EXOSC8: variants seen among roughly 807,000 people sequenced by gnomAD.
EXOSC8 encodes the protein exosome component 8.
Under a neutral mutation model 39.9 loss-of-function variants are expected in EXOSC8, and 37 were observed. That is an observed-to-expected ratio of 0.93 (90% CI 0.71 to 1.22). The LOEUF is 1.22. Among genes scored for constraint, EXOSC8 ranks in the 50% most tolerant of loss-of-function variants. The pLI, the probability that EXOSC8 is intolerant of heterozygous loss-of-function variation, is 0.00. For synonymous variants in EXOSC8, 93 were observed against 109.5 expected, an observed-to-expected ratio of 0.85 and a Z score of 0.94; for missense variants, 313 against 326.6, an observed-to-expected ratio of 0.96 and a Z score of 0.32.
In EXOSC8 at chr13:37,004,542, C is replaced by T; in HGVS notation, c.219C>T (p.Ala73=). 6.2e-7 allele frequency: 1 copy of T among 1,606,262 alleles called. No individual in the cohort carries two copies. Among genetic ancestry groups the T allele is most frequent in the Non-Finnish European group, 8.5e-7 (1 of 1,173,972 alleles). ...AATTTGCAGCACCATCAACAGATGC[C>T]CCTGATAAAGGATACGTTGGTAAGT... The part of the protein sequence containing the change: ...KAEFAAPSTD[A]PDKGYVVPNV... The change falls in exon 5 of 11, where the codon GCC becomes GCT. Residue 73 remains alanine, a synonymous_variant. Coordinates refer to ENST00000389704, the MANE Select transcript of EXOSC8 (RefSeq NM_181503.3).
rs2059227550 is a variant in EXOSC8, at chr13:37,009,596, A to T, written c.*297A>T. 6.3e-7 allele frequency: 1 copy of T among 1,575,366 alleles called. No homozygotes were observed. The highest frequency in any genetic ancestry group is 1.3e-5 in the African/African-American group (1 of 74,090). On this transcript the variant is annotated 3_prime_UTR_variant, in exon 11 of 11. Coordinates refer to ENST00000389704, the MANE Select transcript of EXOSC8 (RefSeq NM_181503.3). ...GTAAAATACTGACACATTAAAAAAA[A>T]CAAAAAGTAGAAACTCAATTCTTTT...
chr13:37,007,754 T>C (rs910470558), intron 8 of EXOSC8, among the ~76,000 whole-genome samples: 1 of 152,190 alleles, frequency 6.6e-6, no homozygotes, highest in Non-Finnish European at 1.5e-5. Flanking sequence ...GAGTATTGAT[T>C]AGGTGAATAC....
At chr13:37,001,628 ACGATATAGTAGTATATATAC>A (rs1367149121) in intron 1 of EXOSC8, 11 of 152,232 alleles carry the variant, frequency 7.2e-5, no homozygotes, top group African/African-American at 2.7e-4. Flanking sequence ...CTCCGAAGAC[ACGATATAGTAGTATATATAC>A]TTGGTTTAAA....
chr13:37,008,168 T>G lies in EXOSC8; in HGVS notation c.599T>G (p.Val200Gly). 1 of 1,596,326 alleles carries G rather than the reference T, an allele frequency of 6.3e-7. No homozygotes were observed. Among genetic ancestry groups the G allele is most frequent in the Non-Finnish European group, 8.5e-7 (1 of 1,173,110 alleles). ...CATCCAGTTGCAACTTCCTTTGCTG[T>G]GTTTGATGAGTAAGTTAATCAAACT... ...RTHPVATSFA[V>G]FDDTLLIVDP... Residue 200 changes from valine (V) to glycine (G), a missense_variant, in exon 9 of 11, where the codon GTG becomes GGG. Transcript: ENST00000389704.
intron 3 of EXOSC8, 92 bp from the exon 4 acceptor site, chr13:37,002,842 C>T: frequency 1.2e-6 from 1 of 859,426 alleles, no homozygotes. Context: ...TAATCGTACA[C>T]AGCAAACTAA....
At chr13:37,004,616 T>C in intron 5 of EXOSC8, 55 bp downstream of exon 5, 2 of 1,149,738 alleles carry the variant, frequency 1.7e-6, no homozygotes, top group South Asian at 2.7e-5. Context: ...CATTTAATAA[T>C]TTTTAGTTAA....
chr13:37,005,436 A>C (rs912588373), intron 5 of EXOSC8, among the ~76,000 whole-genome samples: 22 of 152,158 alleles, frequency 1.4e-4, no homozygotes, highest in African/African-American at 5.3e-4. Context: ...TAGAAATTTC[A>C]TGGCTGGGAG....
chr13:37,002,830 G>C (rs2059115382), intron 3 of EXOSC8, 104 bp from the exon 4 acceptor site: 1 of 781,606 alleles, frequency 1.3e-6, no homozygotes, highest in Admixed American at 2.3e-5. Context: ...GGGGTAGCAA[G>C]ATAATCGTAC....
At chr13:37,006,232 C>A (rs2059138345) in intron 7 of EXOSC8, 72 bp downstream of exon 7, 1 of 1,013,806 alleles carries the variant, frequency 9.9e-7, no homozygotes, top group Non-Finnish European at 1.5e-6. Flanking sequence ...GGAAAGTGAA[C>A]AAGGAAATTA....
chr13:37,000,812 GC>G lies in EXOSC8; in HGVS notation c.8del (p.Ala3ValfsTer16). 1.3e-6 allele frequency: 2 copies of G among 1,582,480 alleles called. No homozygotes were observed. The highest frequency in any genetic ancestry group is 1.7e-6 in the Non-Finnish European group (2 of 1,164,656). On this transcript the variant is annotated frameshift_variant, in exon 1 of 11. Coordinates refer to ENST00000389704, the MANE Select transcript of EXOSC8 (RefSeq NM_181503.3). LOFTEE classifies it high-confidence loss of function. MA[A>X]GFKTVEPLEY... Reference sequence around the variant, plus strand: ...CAGACGCGCGGGCGGGAAGATGGCGGCTGGGTTCAAGTGAGTGTTGGCGGGT... The same window carrying G: ...CAGACGCGCGGGCGGGAAGATGGCGGTGGGTTCAAGTGAGTGTTGGCGGGT...
chr13:37,003,078 C>G lies in EXOSC8; in HGVS notation c.192+71C>G, dbSNP rs1245219306. 3 of 885,888 alleles carry G rather than the reference C, an allele frequency of 3.4e-6. No homozygotes were observed. In the African/African-American group the frequency reaches 5.0e-5, roughly 15 times the overall value. 54.9% of individuals were successfully genotyped at this position (885,888 alleles called of 1,614,324 possible). Reference sequence around the variant, plus strand: ...TTTATTTATTAGATTGTAATATACACCTGTAATTCTACTCTTGATTTGGTA... The same window carrying G: ...TTTATTTATTAGATTGTAATATACAGCTGTAATTCTACTCTTGATTTGGTA... On this transcript the variant is annotated intron_variant, in intron 4 of 10. Transcript: ENST00000389704.
intron 8 of EXOSC8, 60 bp from the exon 9 acceptor site, chr13:37,007,997 A>T: frequency 7.8e-7 from 1 of 1,289,832 alleles, no homozygotes; most frequent in Non-Finnish European, 1.1e-6. Flanking sequence ...AAAAAAAAAA[A>T]GCTTAGAAAT....
At chr13:37,009,042 T>C in intron 10 of EXOSC8, 142 bp from the exon 11 acceptor site, 1 of 702,442 alleles carries the variant, frequency 1.4e-6, no homozygotes, top group South Asian at 1.8e-5. Flanking sequence ...TTGGAGGTCT[T>C]GTGAAACTAA....
Position 37,000,961 on chromosome 13 carries a change from C to T in EXOSC8, c.17+139C>T, listed in dbSNP as rs372741962. On this transcript the variant is annotated intron_variant, in intron 1 of 10. Coordinates refer to ENST00000389704, the MANE Select transcript of EXOSC8 (RefSeq NM_181503.3). ...CTTCCTCGTCGAGGCAGACGATGGG[C>T]GGGAGGACCTGGAGGTTGTCACAGT... 1.6e-5 allele frequency: 17 copies of T among 1,085,918 alleles called. No individual in the cohort carries two copies. The East Asian group carries it at 4.3e-4, about 27-fold the overall frequency. 67.3% of individuals were successfully genotyped at this position (1,085,918 alleles called of 1,614,324 possible).
At chr13:37,009,040 C>A in intron 10 of EXOSC8, 144 bp from the exon 11 acceptor site, 1 of 695,870 alleles carries the variant, frequency 1.4e-6, no homozygotes, top group Non-Finnish European at 2.5e-6. Context: ...ACTTGGAGGT[C>A]TTGTGAAACT....
chr13:37,000,901 T>A (rs2059095681), intron 1 of EXOSC8, 79 bp downstream of exon 1: 1 of 1,424,682 alleles, frequency 7.0e-7, no homozygotes, highest in Non-Finnish European at 9.3e-7. Flanking sequence ...TGGGATTCTC[T>A]CACCTGGAGG....
At chr13:37,005,784 A>G (rs892124007) in intron 5 of EXOSC8, 136 bp from the exon 6 acceptor site, 3 of 544,838 alleles carry the variant, frequency 5.5e-6, no homozygotes, top group Admixed American at 3.6e-5. Context: ...AAATCTCTTG[A>G]ACCTGGGAGG....
intron 5 of EXOSC8, 142 bp downstream of exon 5, chr13:37,004,703 G>A: frequency 3.5e-6 from 2 of 576,960 alleles, no homozygotes; most frequent in Non-Finnish European, 6.1e-6. Context: ...TTCCTCAAAA[G>A]TTTTCCGTGT....
At chr13:37,006,589 C>G (rs904617402) in intron 7 of EXOSC8, among the ~76,000 whole-genome samples, 4 of 152,078 alleles carry the variant, frequency 2.6e-5, no homozygotes, top group African/African-American at 9.7e-5. Context: ...TAAACTGATA[C>G]ATTAGCACTG....
Sources: allele counts gnomAD v4.1 joint callset (sites outside exome capture counted in the v4.1 genomes callset), GRCh38; gene constraint gnomAD v4.1.1; transcripts MANE v1.5; gene names NCBI Gene and HGNC (gene_info 2026-07-23, HGNC 2026-07-21).